DCDC1: variants seen among roughly 807,000 people sequenced by gnomAD.
DCDC1 encodes the protein doublecortin domain containing 1.
A neutral mutation model predicts 178.3 loss-of-function variants in DCDC1; 200 were observed. The observed-to-expected ratio is 1.12, with a 90% CI of 1.00 to 1.26. The LOEUF (loss-of-function observed/expected upper bound fraction) is 1.26. Ranked by LOEUF, DCDC1 falls within the 50% of genes most tolerant of loss-of-function variation. The pLI is 0.00. For synonymous variants in DCDC1, 690 were observed against 604.8 expected (o/e 1.14, Z -2.07); for missense variants, 1,983 against 1,749.2 (o/e 1.13, Z -2.38).
intron 9 of DCDC1, among the ~76,000 whole-genome samples, chr11:31,169,658 T>C (rs1966971026): frequency 6.6e-6 from 1 of 152,178 alleles, no homozygotes; most frequent in Non-Finnish European, 1.5e-5. Flanking sequence ...TTTATTATTA[T>C]TTGCAAGACA....
chr11:31,126,737 T>C (rs532589572), intron 11 of DCDC1, among the ~76,000 whole-genome samples: 1 of 152,314 alleles, frequency 6.6e-6, no homozygotes, highest in Non-Finnish European at 1.5e-5. Flanking sequence ...TCTCTTGAAA[T>C]GCAGGATATG....
At chr11:31,358,753 C>G (rs1462818072) in intron 1 of DCDC1, among the ~76,000 whole-genome samples, 1 of 151,022 alleles carries the variant, frequency 6.6e-6, no homozygotes, top group East Asian at 1.9e-4. Context: ...AAAAAAACAA[C>G]CCCATCAAAA....
intron 17 of DCDC1, among the ~76,000 whole-genome samples, chr11:31,086,877 A>G (rs1957512358): frequency 6.6e-6 from 1 of 152,084 alleles, no homozygotes; most frequent in Admixed American, 6.6e-5. Context: ...AAGTTTTGTG[A>G]CCAGGATAAT....
intron 20 of DCDC1, among the ~76,000 whole-genome samples, chr11:31,057,619 G>A (rs1955668342): frequency 6.6e-6 from 1 of 152,068 alleles, no homozygotes; most frequent in Admixed American, 6.6e-5. Flanking sequence ...ATGAAAATGG[G>A]CCATACAGAG....
intron 20 of DCDC1, among the ~76,000 whole-genome samples, chr11:31,013,614 A>C (rs1421857895): frequency 2.0e-5 from 3 of 152,230 alleles, no homozygotes; most frequent in Admixed American, 6.5e-5. Context: ...CAGGAACGTA[A>C]GAGAATATTA....
At chr11:31,279,678 C>G (rs1223564759) in intron 7 of DCDC1, among the ~76,000 whole-genome samples, 2 of 152,008 alleles carry the variant, frequency 1.3e-5, no homozygotes, top group Non-Finnish European at 2.9e-5. Flanking sequence ...TAGGTGAGAG[C>G]TGAACAATGG....
At chr11:30,944,516 G>A (rs956887587) in intron 21 of DCDC1, among the ~76,000 whole-genome samples, 10 of 152,000 alleles carry the variant, frequency 6.6e-5, no homozygotes, top group Admixed American at 3.9e-4. Context: ...AATATGAATT[G>A]CATTTAACTG....
intron 9 of DCDC1, among the ~76,000 whole-genome samples, chr11:31,193,763 A>G (rs1406400404): frequency 6.6e-6 from 1 of 152,142 alleles, no homozygotes; most frequent in East Asian, 1.9e-4. Context: ...ACAAACTAAG[A>G]GAACACTTTA....
intron 9 of DCDC1, among the ~76,000 whole-genome samples, chr11:31,230,322 A>AT: frequency 6.6e-6 from 1 of 152,116 alleles, no homozygotes; most frequent in African/African-American, 2.4e-5. Context: ...GTTTTTTTAC[A>AT]ATAAAAAATA....
chr11:30,947,323 A>C (rs1948112444), intron 21 of DCDC1, among the ~76,000 whole-genome samples: 1 of 152,196 alleles, frequency 6.6e-6, no homozygotes, highest in Non-Finnish European at 1.5e-5. Context: ...TTGTACTACA[A>C]AGCTATAGTA....
chr11:30,903,755 C>A, intron 31 of DCDC1, 72 bp from the exon 32 acceptor site: 7 of 1,204,442 alleles, frequency 5.8e-6, no homozygotes, highest in South Asian at 2.6e-5. Context: ...AAGAGCTTGT[C>A]ATTCTAAAAA....
chr11:31,232,915 C>T (rs1397793705), intron 9 of DCDC1, among the ~76,000 whole-genome samples: 1 of 151,918 alleles, frequency 6.6e-6, no homozygotes, highest in African/African-American at 2.4e-5. Flanking sequence ...ATGGTGAAAA[C>T]CCATCTCTAC....
intron 9 of DCDC1, among the ~76,000 whole-genome samples, chr11:31,218,820 G>A (rs1389267913): frequency 2.0e-5 from 3 of 152,028 alleles, no homozygotes; most frequent in Non-Finnish European, 4.4e-5. Flanking sequence ...TATATTAGTT[G>A]TGTACCAAAA....
chr11:31,129,196 T>C (rs1962083670), intron 10 of DCDC1, among the ~76,000 whole-genome samples: 1 of 152,142 alleles, frequency 6.6e-6, no homozygotes. Context: ...ACTCTACTTA[T>C]TTAGTTCAAG....
At chr11:31,238,700 T>C (rs1244457561) in intron 9 of DCDC1, among the ~76,000 whole-genome samples, 1 of 152,152 alleles carries the variant, frequency 6.6e-6, no homozygotes, top group Non-Finnish European at 1.5e-5. Context: ...AATGCGTTTA[T>C]GCAATTGCAA....
intron 28 of DCDC1, among the ~76,000 whole-genome samples, chr11:30,909,594 T>C (rs1270193862): frequency 1.3e-5 from 2 of 152,110 alleles, no homozygotes; most frequent in Admixed American, 6.5e-5. Flanking sequence ...TTATGATATA[T>C]CAAAATGCCT....
chr11:31,127,585 G>A lies in DCDC1; in HGVS notation c.1369C>T (p.Leu457Phe). 1.4e-6 allele frequency: 1 copy of A among 702,570 alleles called. No individual in the cohort carries two copies. The highest frequency in any genetic ancestry group is 2.7e-5 in the East Asian group (1 of 37,282). 43.5% of individuals were successfully genotyped at this position (702,570 alleles called of 1,614,324 possible). ...TGTAATTGGGGGCCAAGTTTACAGA[G>A]ATGACCTATGTTACTTTTGATAGCT... ...QTAIKSNIGH[L>F]CKLGPQLQAE... The change falls in exon 11 of 39, where the codon CTC becomes TTC. Residue 457 changes from leucine (L) to phenylalanine (F), a missense_variant. Transcript: ENST00000684477.
rs1048959531 is a variant in DCDC1, at chr11:31,123,560, C to T, written c.1485+3909G>A. Among the ~76,000 whole-genome samples, 13 of 151,452 alleles carry T rather than the reference C, an allele frequency of 8.6e-5. 1 individual carries two copies. The Admixed American group carries it at 8.6e-4, about 10-fold the overall frequency. On this transcript the variant is annotated intron_variant, in intron 11 of 38. Transcript: ENST00000684477. ...CATTGGTATCTTAAAAAAAAAAAAC[C>T]TCCAGAATATTCTAACATGCAGCCA...
At chr11:30,926,520 T>C (rs1946600833) in intron 22 of DCDC1, among the ~76,000 whole-genome samples, 1 of 152,126 alleles carries the variant, frequency 6.6e-6, no homozygotes, top group South Asian at 2.1e-4. Context: ...TGTAAATAGA[T>C]GGAATTGTGA....
Sources: gnomAD v4.1 joint callset for allele counts (sites outside exome capture counted in the v4.1 genomes callset) on GRCh38, gnomAD v4.1.1 for gene constraint, MANE v1.5 for transcripts, NCBI Gene and HGNC (gene_info 2026-07-23, HGNC 2026-07-21) for gene names.